NFIB: variants seen among roughly 807,000 people sequenced by gnomAD.
The protein encoded by NFIB is nuclear factor 1 B-type.
In NFIB, 11 loss-of-function variants were observed where a neutral mutation model predicts 61.5. The ratio of observed to expected loss-of-function variants is 0.18; its 90% CI spans 0.11 to 0.30. The LOEUF (loss-of-function observed/expected upper bound fraction) is 0.30. Among genes scored for constraint, NFIB ranks in the 10% least tolerant of loss-of-function variants. The probability of loss-of-function intolerance (pLI) is 1.00; values close to 1 mark genes in which losing one functional copy is unlikely to be tolerated. For synonymous variants in NFIB, 260 were observed against 216.5 expected (o/e 1.20, Z -1.76); for missense variants, 471 against 608.9 (o/e 0.77, Z 2.38).
chr9:14,329,835 A>G (rs994683660), intron 1 of NFIB, among the ~76,000 whole-genome samples: 5 of 151,332 alleles, frequency 3.3e-5, no homozygotes, highest in Non-Finnish European at 7.4e-5. Context: ...TTAAAAACCC[A>G]GTAACAGGCC....
At chr9:14,311,489 T>TAA (rs1407018469) in intron 1 of NFIB, among the ~76,000 whole-genome samples, 1 of 152,166 alleles carries the variant, frequency 6.6e-6, no homozygotes, top group African/African-American at 2.4e-5. Flanking sequence ...GGCCTTGTTT[T>TAA]AATACATAAG....
At chr9:14,387,708 G>A (rs928881618) in intron 1 of NFIB, among the ~76,000 whole-genome samples, 25 of 152,184 alleles carry the variant, frequency 1.6e-4, no homozygotes, top group African/African-American at 5.8e-4. Context: ...GGTAGGCATG[G>A]GGATTGGTAC....
the NFIB span, among the ~76,000 whole-genome samples, chr9:14,479,007 C>T: frequency 6.6e-6 from 1 of 152,184 alleles, no homozygotes; most frequent in Non-Finnish European, 1.5e-5. Context: ...TTACATCATC[C>T]TTGCAGATGT....
chr9:14,404,807 G>A, the NFIB span, among the ~76,000 whole-genome samples: 1 of 152,132 alleles, frequency 6.6e-6, no homozygotes, highest in African/African-American at 2.4e-5. Flanking sequence ...CTTCTAAGGG[G>A]CAGCAACATA....
At chr9:14,228,712 T>C (rs891279306) in intron 2 of NFIB, among the ~76,000 whole-genome samples, 3 of 152,240 alleles carry the variant, frequency 2.0e-5, no homozygotes, top group Non-Finnish European at 4.4e-5. Flanking sequence ...GCTTTACCAC[T>C]ACGTAAGAAA....
At chr9:14,280,938 T>C (rs1588104755) in intron 2 of NFIB, among the ~76,000 whole-genome samples, 1 of 152,172 alleles carries the variant, frequency 6.6e-6, no homozygotes, top group African/African-American at 2.4e-5. Context: ...TGGAGATTCA[T>C]TAAACTACAA....
At chr9:14,385,571 T>G (rs188610722) in intron 1 of NFIB, among the ~76,000 whole-genome samples, 175 of 152,310 alleles carry the variant, frequency 1.1e-3, no homozygotes, top group Non-Finnish European at 1.9e-3. Flanking sequence ...CACAGACAAT[T>G]CTTACTTAGA....
At chr9:14,145,360 T>G (rs2042172136) in intron 6 of NFIB, among the ~76,000 whole-genome samples, 1 of 152,082 alleles carries the variant, frequency 6.6e-6, no homozygotes, top group Admixed American at 6.6e-5. Flanking sequence ...TCAAGGAGAT[T>G]TAGATGAGAT....
chr9:14,482,236 C>T, the NFIB span, among the ~76,000 whole-genome samples: 1 of 152,170 alleles, frequency 6.6e-6, no homozygotes. Context: ...AAAGTAGCTC[C>T]TCCATTTTTC....
At chr9:14,139,049 A>G (rs2041392646) in intron 6 of NFIB, among the ~76,000 whole-genome samples, 1 of 152,122 alleles carries the variant, frequency 6.6e-6, no homozygotes, top group Admixed American at 6.6e-5. Context: ...CTTTCCAAGA[A>G]AAGTGTCCCT....
chr9:14,480,996 C>T, the NFIB span, among the ~76,000 whole-genome samples: 2 of 151,048 alleles, frequency 1.3e-5, no homozygotes, highest in African/African-American at 4.9e-5. Flanking sequence ...CCTATAACAC[C>T]TTGGACATTT....
chr9:14,281,638 T>C (rs772539164), intron 2 of NFIB, among the ~76,000 whole-genome samples: 5 of 152,202 alleles, frequency 3.3e-5, no homozygotes, highest in Non-Finnish European at 7.4e-5. Context: ...CATGCAGAGA[T>C]AAACTGCTAT....
chr9:14,334,495 G>A (rs1468703598), intron 1 of NFIB, among the ~76,000 whole-genome samples: 1 of 152,048 alleles, frequency 6.6e-6, no homozygotes, highest in African/African-American at 2.4e-5. Flanking sequence ...TGAAATGTCT[G>A]TTCAAATATT....
rs950344043 is a variant in NFIB, at chr9:14,086,212, A to C, written c.*2097T>G. ...TCAGGGTGCACTGCTTCACAGCTAC[A>C]CTGCAAAGTGTTAAAAATCCTCCCA... is the stretch of plus-strand genomic sequence containing the variant. On this transcript the variant is annotated 3_prime_UTR_variant, in exon 11 of 11. Transcript: ENST00000380953. The C allele has an allele frequency of 4.5e-6, 1 of 223,412 alleles. No individual in the cohort carries two copies. The highest frequency in any genetic ancestry group is 9.0e-6 in the Non-Finnish European group (1 of 111,628). The allele number at this position is 223,412 out of a possible 1,614,324, so 13.8% of individuals were successfully genotyped here.
In NFIB at chr9:14,120,655, C is replaced by T. The variant is rs770087219; in HGVS notation, c.1061-31G>A. 2.1e-5 allele frequency: 33 copies of T among 1,561,488 alleles called. No individual in the cohort carries two copies. The highest frequency in any genetic ancestry group is 2.5e-5 in the South Asian group (2 of 80,946). On this transcript the variant is annotated intron_variant, in intron 7 of 10. Transcript: ENST00000380953. The surrounding 1 kb of genome is among the most constrained non-coding windows in gnomAD (Gnocchi z 4.4). ...GAAGACAGAAAAGGAAAGATTGACT[C>T]ATCAGCTGGTTACCTTATTGCTCCA... is the stretch of plus-strand genomic sequence containing the variant.
chr9:14,189,979 T>C (rs955798455), intron 2 of NFIB, among the ~76,000 whole-genome samples: 5 of 152,270 alleles, frequency 3.3e-5, no homozygotes, highest in Middle Eastern at 3.4e-3. Context: ...AATGTAGTGA[T>C]TGACTCAATG....
chr9:14,467,168 T>C, the NFIB span, among the ~76,000 whole-genome samples: 6 of 152,102 alleles, frequency 3.9e-5, no homozygotes, highest in Non-Finnish European at 8.8e-5. Flanking sequence ...AGAATCCAAA[T>C]AGAGTTCATC....
At chr9:14,245,897 C>G (rs938230549) in intron 2 of NFIB, among the ~76,000 whole-genome samples, 1 of 151,892 alleles carries the variant, frequency 6.6e-6, no homozygotes, top group Non-Finnish European at 1.5e-5. Context: ...ATAATAAGTA[C>G]ACATAAATTA....
Position 14,195,866 on chromosome 9 carries a change from G to GT in NFIB, c.563-16087dup, listed in dbSNP as rs1265289119. On this transcript the variant is annotated intron_variant, in intron 2 of 10. Coordinates refer to ENST00000380953, the MANE Select transcript of NFIB (RefSeq NM_001190737.2). ...TAAGGGCATTGGGAGGAAAAAGGGGGTGGGGTATTTAAGAAAATGTTTTTT... is the reference window on the plus strand; with the variant it reads ...TAAGGGCATTGGGAGGAAAAAGGGGGTTGGGGTATTTAAGAAAATGTTTTTT... 1.9e-4 allele frequency among the ~76,000 whole-genome samples: 29 copies of GT among 152,116 alleles called. 1 individual carries two copies. In the South Asian group the frequency reaches 5.6e-3, roughly 29 times the overall value.
Sources: gnomAD v4.1 joint callset for allele counts (sites outside exome capture counted in the v4.1 genomes callset) on GRCh38, gnomAD v4.1.1 for gene constraint, Gnocchi (gnomAD v3.1) non-coding constraint, MANE v1.5 for transcripts, NCBI Gene and HGNC (gene_info 2026-07-23, HGNC 2026-07-21) for gene names.